The following SMYD3 variants were observed in gnomAD, a reference collection of about 807,000 sequenced individuals.
The protein encoded by SMYD3 is SET and MYND domain containing 3.
In SMYD3, 36 loss-of-function variants were observed where a neutral mutation model predicts 57.7. The observed-to-expected ratio is 0.62, with a 90% confidence interval of 0.48 to 0.82. The LOEUF is 0.82. SMYD3 is among the 40% of genes least tolerant of loss of function. The pLI is 0.00. For missense variants in SMYD3, 515 were observed against 538.8 expected, an observed-to-expected ratio of 0.96 and a Z score of 0.44; for synonymous variants, 211 against 195.0, an observed-to-expected ratio of 1.08 and a Z score of -0.68.
intron 5 of SMYD3, among the ~76,000 whole-genome samples, chr1:246,122,501 T>C (rs749541354): frequency 6.6e-6 from 1 of 152,204 alleles, no homozygotes; most frequent in Non-Finnish European, 1.5e-5. Context: ...CTTGCTACCA[T>C]ATGGCAAATT....
At chr1:246,408,590 GA>G (rs1402383744) in intron 1 of SMYD3, among the ~76,000 whole-genome samples, 2 of 149,174 alleles carry the variant, frequency 1.3e-5, no homozygotes, top group African/African-American at 4.9e-5. Flanking sequence ...TAAACAGAGA[GA>G]AAAATGAAAT....
chr1:246,023,273 G>C (rs543385564), intron 5 of SMYD3, among the ~76,000 whole-genome samples: 1 of 152,354 alleles, frequency 6.6e-6, no homozygotes, highest in Non-Finnish European at 1.5e-5. Context: ...CACCGAGGGA[G>C]AGCTGTGTTG....
intron 5 of SMYD3, among the ~76,000 whole-genome samples, chr1:246,134,152 G>A (rs926513461): frequency 1.3e-4 from 20 of 152,140 alleles, no homozygotes; most frequent in Non-Finnish European, 1.0e-4. Context: ...TTTGTCACCT[G>A]CTGTATTACA....
At chr1:246,030,283 G>A (rs899727856) in intron 5 of SMYD3, among the ~76,000 whole-genome samples, 3 of 152,112 alleles carry the variant, frequency 2.0e-5, no homozygotes, top group East Asian at 1.9e-4. Flanking sequence ...GAATGAGCCC[G>A]AAGGACATTA....
intron 11 of SMYD3, among the ~76,000 whole-genome samples, chr1:245,762,763 T>C (rs2045905527): frequency 6.6e-6 from 1 of 152,114 alleles, no homozygotes; most frequent in African/African-American, 2.4e-5. Context: ...ATTTGTCATT[T>C]CTCTTAGGTC....
chr1:245,842,645 G>A (rs192402361), intron 10 of SMYD3, among the ~76,000 whole-genome samples: 31 of 152,178 alleles, frequency 2.0e-4, no homozygotes, highest in Non-Finnish European at 3.2e-4. Context: ...TCTATAAATC[G>A]GCAGACTATA....
At chr1:245,913,910 A>C (rs2055204065) in intron 8 of SMYD3, among the ~76,000 whole-genome samples, 1 of 152,232 alleles carries the variant, frequency 6.6e-6, no homozygotes. Context: ...AACCAAAATG[A>C]GGTGTCATCT....
rs929510819 is a variant in SMYD3 at position 245,912,399 on chromosome 1, G to A, written c.813+3131C>T. Among the ~76,000 whole-genome samples, 3 of 152,204 alleles carry A rather than the reference G, an allele frequency of 2.0e-5. No homozygotes were observed. The South Asian group carries it at 6.2e-4, about 32-fold the overall frequency. ...AAAGGCATACCATGCTCATTAATTGGAAGAATTAATATTGTTAAATGATGA... is the reference window on the plus strand; with the variant it reads ...AAAGGCATACCATGCTCATTAATTGAAAGAATTAATATTGTTAAATGATGA... On this transcript the variant is annotated intron_variant, in intron 8 of 11. Coordinates refer to ENST00000490107, the MANE Select transcript of SMYD3 (RefSeq NM_001167740.2).
chr1:246,319,222 T>C lies in SMYD3; in HGVS notation c.531+7979A>G, dbSNP rs957709297. Among the ~76,000 whole-genome samples the C allele has an allele frequency of 2.0e-5, 3 of 152,338 alleles. No homozygotes were observed. In the South Asian group the frequency reaches 6.2e-4, roughly 32 times the overall value. On this transcript the variant is annotated intron_variant, in intron 5 of 11. Transcript: ENST00000490107. ...CAGTTAAGCATCCTAGCTGTTTGCC[T>C]GCTTTACTTAACACCAGAAGAGAAG...
At chr1:246,327,412 G>C (rs1436715100) in intron 4 of SMYD3, 75 bp from the exon 5 acceptor site, 18 of 1,314,226 alleles carry the variant, frequency 1.4e-5, no homozygotes, top group Non-Finnish European at 1.7e-5. Flanking sequence ...GTTCAATGCT[G>C]GCTGTTAAAC....
At chr1:245,804,202 C>A (rs187843829) in intron 10 of SMYD3, among the ~76,000 whole-genome samples, 1 of 152,166 alleles carries the variant, frequency 6.6e-6, no homozygotes, top group Non-Finnish European at 1.5e-5. Context: ...TGAGGCACCG[C>A]GCCCAGCTGA....
At chr1:246,149,739 C>T (rs1271214918) in intron 5 of SMYD3, among the ~76,000 whole-genome samples, 1 of 152,136 alleles carries the variant, frequency 6.6e-6, no homozygotes, top group East Asian at 1.9e-4. Flanking sequence ...CCAAAATATG[C>T]CAAGTAGACA....
chr1:246,365,304 T>C (rs916361229), intron 1 of SMYD3, among the ~76,000 whole-genome samples: 3 of 149,870 alleles, frequency 2.0e-5, no homozygotes, highest in African/African-American at 4.9e-5. Flanking sequence ...CTGGGCAACA[T>C]AGTGAGCCCT....
intron 5 of SMYD3, among the ~76,000 whole-genome samples, chr1:246,139,455 C>T (rs1475058787): frequency 6.6e-6 from 1 of 152,142 alleles, no homozygotes; most frequent in Non-Finnish European, 1.5e-5. Context: ...ACTTTCATTT[C>T]TCAACTATCA....
At position 245,843,133 on chromosome 1, in the gene SMYD3, T is replaced by C. The variant is rs1050088614; in HGVS notation, c.1076+15363A>G. ...GAAAGCCTTACACAGCATGCTTCCATGTCTTAATACTCTCCCACTCATGAT... is the reference window on the plus strand; with the variant it reads ...GAAAGCCTTACACAGCATGCTTCCACGTCTTAATACTCTCCCACTCATGAT... On this transcript the variant is annotated intron_variant, in intron 10 of 11. Transcript: ENST00000490107. 5.3e-5 allele frequency among the ~76,000 whole-genome samples: 8 copies of C among 152,206 alleles called. 1 individual carries two copies. The highest frequency in any genetic ancestry group is 4.6e-4 in the Admixed American group (7 of 15,274).
intron 1 of SMYD3, among the ~76,000 whole-genome samples, chr1:246,363,434 T>C (rs1233630623): frequency 2.0e-5 from 3 of 152,120 alleles, no homozygotes; most frequent in Non-Finnish European, 4.4e-5. Flanking sequence ...CAACAGTTCA[T>C]TGAGAACGGG....
rs373579378 is a variant in SMYD3 at position 245,796,223 on chromosome 1, T to G, written c.1077-32074A>C. Among the ~76,000 whole-genome samples the G allele has an allele frequency of 1.4e-4, 22 of 152,226 alleles. No individual in the cohort carries two copies. In the East Asian group the frequency reaches 3.1e-3, roughly 21 times the overall value. On this transcript the variant is annotated intron_variant, in intron 10 of 11. Coordinates refer to ENST00000490107, the MANE Select transcript of SMYD3 (RefSeq NM_001167740.2). The stretch of plus-strand genomic sequence containing the variant: ...TGAAATTACCTGGAACTTAAGGTAT[T>G]ATGTCCAATAATCAAATAGTCTCTT...
intron 5 of SMYD3, among the ~76,000 whole-genome samples, chr1:246,227,791 T>C (rs542103923): frequency 6.6e-6 from 1 of 152,106 alleles, no homozygotes; most frequent in East Asian, 1.9e-4. Context: ...TCTACCTTTA[T>C]GCATAAAATG....
intron 1 of SMYD3, among the ~76,000 whole-genome samples, chr1:246,446,911 CCCAGCTAG>C (rs1435808197): frequency 1.3e-5 from 2 of 152,000 alleles, no homozygotes; most frequent in African/African-American, 4.8e-5. Context: ...TGCCTGTAAT[CCCAGCTAG>C]TCAGGAGGCT....
Sources: allele counts gnomAD v4.1 joint callset (sites outside exome capture counted in the v4.1 genomes callset), GRCh38; gene constraint gnomAD v4.1.1; transcripts MANE v1.5; gene names NCBI Gene and HGNC (gene_info 2026-07-23, HGNC 2026-07-21).